Variants in THSD4 observed in about 807,000 individuals in gnomAD.
THSD4 encodes thrombospondin type 1 domain containing 4, also known as thrombospondin type-1 domain-containing protein 4.
In THSD4, 69 loss-of-function variants were observed where a neutral mutation model predicts 119.0. The ratio of observed to expected loss-of-function variants is 0.58; its 90% CI spans 0.48 to 0.71. The LOEUF (loss-of-function observed/expected upper bound fraction) is 0.71. Among genes scored for constraint, THSD4 ranks in the 30% least tolerant of loss-of-function variants. The pLI is 0.00. For missense variants in THSD4, 1,393 were observed against 1,391.1 expected (o/e 1.00, Z -0.02); for synonymous variants, 524 against 540.4 (o/e 0.97, Z 0.42).
At chr15:71,192,276 T>C (rs753534528) in intron 3 of THSD4, among the ~76,000 whole-genome samples, 1 of 151,786 alleles carries the variant, frequency 6.6e-6, no homozygotes, top group Non-Finnish European at 1.5e-5. Flanking sequence ...TTAAATTCCT[T>C]TGGTGGATTT....
At chr15:71,694,043 G>T (rs2052110949) in intron 8 of THSD4, among the ~76,000 whole-genome samples, 1 of 151,614 alleles carries the variant, frequency 6.6e-6, no homozygotes, top group African/African-American at 2.4e-5. Flanking sequence ...AAGAAAGAAA[G>T]AAAAGCCAGT....
At chr15:71,416,068 A>T (rs1403524100) in intron 7 of THSD4, among the ~76,000 whole-genome samples, 2 of 152,174 alleles carry the variant, frequency 1.3e-5, no homozygotes, top group African/African-American at 4.8e-5. Flanking sequence ...AAGTGCTGGG[A>T]TTACAGGTGT....
chr15:71,622,190 T>A (rs1252805407), intron 7 of THSD4, among the ~76,000 whole-genome samples: 1 of 152,242 alleles, frequency 6.6e-6, no homozygotes, highest in Non-Finnish European at 1.5e-5. Flanking sequence ...ACATGTGCCA[T>A]GAATTTGTTA....
chr15:71,569,182 G>A (rs554128119), intron 7 of THSD4, among the ~76,000 whole-genome samples: 13 of 152,264 alleles, frequency 8.5e-5, no homozygotes, highest in South Asian at 2.1e-4. Flanking sequence ...CTGAAGCAGC[G>A]GAGATTCTGC....
At chr15:71,710,313 G>A (rs955210315) in intron 8 of THSD4, among the ~76,000 whole-genome samples, 4 of 152,126 alleles carry the variant, frequency 2.6e-5, no homozygotes, top group African/African-American at 9.7e-5. Context: ...AAGGAACACA[G>A]TTTTAAAAAC....
intron 1 of THSD4, among the ~76,000 whole-genome samples, chr15:71,128,976 G>C (rs1031764614): frequency 6.6e-6 from 1 of 152,208 alleles, no homozygotes; most frequent in Admixed American, 6.5e-5. Context: ...TGAGGCTGGT[G>C]GAGGAGGCTG....
At chr15:71,102,305 AT>A (rs2040256842) in intron 1 of THSD4, among the ~76,000 whole-genome samples, 1 of 151,982 alleles carries the variant, frequency 6.6e-6, no homozygotes, top group Admixed American at 6.5e-5. Context: ...TTCTTAAAAT[AT>A]TTTTTTCCCA....
intron 4 of THSD4, among the ~76,000 whole-genome samples, chr15:71,236,790 A>G (rs1293880576): frequency 1.3e-5 from 2 of 152,212 alleles, no homozygotes; most frequent in African/African-American, 4.8e-5. Flanking sequence ...TGTGCAAACA[A>G]TAAGCATAAT....
intron 7 of THSD4, among the ~76,000 whole-genome samples, chr15:71,645,515 C>T (rs2140971111): frequency 6.6e-6 from 1 of 152,250 alleles, no homozygotes; most frequent in African/African-American, 2.4e-5. Flanking sequence ...GGGACATAGC[C>T]AAACCATATC....
At chr15:71,734,876 A>G (rs2053052443) in intron 10 of THSD4, among the ~76,000 whole-genome samples, 1 of 151,582 alleles carries the variant, frequency 6.6e-6, no homozygotes, top group South Asian at 2.1e-4. Context: ...TCCCAGAGGG[A>G]GTCTAACCCT....
rs544740103 is a variant in THSD4 at position 71,579,848 on chromosome 15, A to G, written c.1153-80682A>G. Among the ~76,000 whole-genome samples the G allele has an allele frequency of 5.3e-5, 8 of 152,290 alleles. No individual in the cohort carries two copies. The South Asian group carries it at 1.2e-3, about 24-fold the overall frequency. ...CCAACTCTATGTATATTAGTTTTCT[A>G]TCACTATATAACAAATTACCACAAA... On this transcript the variant is annotated intron_variant, in intron 7 of 17. Coordinates refer to ENST00000261862, the MANE Select transcript of THSD4 (RefSeq NM_024817.3).
intron 7 of THSD4, among the ~76,000 whole-genome samples, chr15:71,580,373 T>G (rs1170096239): frequency 6.6e-6 from 1 of 152,212 alleles, no homozygotes; most frequent in African/African-American, 2.4e-5. Flanking sequence ...AAATGATAAT[T>G]GTATATATTT....
chr15:71,396,571 G>A (rs565625666), intron 6 of THSD4, among the ~76,000 whole-genome samples: 12 of 152,236 alleles, frequency 7.9e-5, no homozygotes, highest in Admixed American at 6.5e-4. Context: ...TGGAGGATAC[G>A]TATCTATTCT....
chr15:71,463,789 C>G (rs144134379), intron 7 of THSD4, among the ~76,000 whole-genome samples: 66 of 152,322 alleles, frequency 4.3e-4, no homozygotes, highest in African/African-American at 1.6e-3. Context: ...CCTCAGCTGT[C>G]TCTCTAGCTA....
rs1195413080 is a variant in THSD4 at position 71,442,579 on chromosome 15, A to AAAATAT, written c.1152+30757_1152+30758insAATATA. Among the ~76,000 whole-genome samples the AAAATAT allele has an allele frequency of 1.3e-3, 50 of 39,860 alleles. 3 individuals carry two copies. The highest frequency in any genetic ancestry group is 0.014 in the Middle Eastern group (1 of 72). 26.1% of individuals were successfully genotyped at this position (39,860 alleles called of 152,430 possible). Reference sequence around the variant, plus strand: ...GCAAAACTCCATCTCAAAAAAAAAAAATATATATATATATATATATATGTG... The same window carrying AAAATAT: ...GCAAAACTCCATCTCAAAAAAAAAAAAAATATATATATATATATATATATATATGTG... On this transcript the variant is annotated intron_variant, in intron 7 of 17. Coordinates refer to ENST00000261862, the MANE Select transcript of THSD4 (RefSeq NM_024817.3).
chr15:71,268,420 C>T (rs1442871828), intron 6 of THSD4, among the ~76,000 whole-genome samples: 1 of 152,124 alleles, frequency 6.6e-6, no homozygotes, highest in African/African-American at 2.4e-5. Context: ...AGAACAAAGA[C>T]ATAACGTACC....
intron 7 of THSD4, among the ~76,000 whole-genome samples, chr15:71,520,849 C>G (rs1030541374): frequency 1.3e-5 from 2 of 152,166 alleles, no homozygotes; most frequent in Non-Finnish European, 2.9e-5. Flanking sequence ...AGGTTATAGC[C>G]TCACTCTGCT....
chr15:71,726,624 A>C (rs1312860853), intron 8 of THSD4, among the ~76,000 whole-genome samples: 1 of 152,198 alleles, frequency 6.6e-6, no homozygotes, highest in Non-Finnish European at 1.5e-5. Context: ...TCACAGGTCC[A>C]CTATGTACAT....
intron 7 of THSD4, among the ~76,000 whole-genome samples, chr15:71,581,941 G>C (rs1339033204): frequency 6.6e-6 from 1 of 152,116 alleles, no homozygotes; most frequent in Non-Finnish European, 1.5e-5. Context: ...AAACCAGAAA[G>C]TGTGATACTT....
Sources: gnomAD v4.1 joint callset for allele counts (sites outside exome capture counted in the v4.1 genomes callset) on GRCh38, gnomAD v4.1.1 for gene constraint, MANE v1.5 for transcripts, NCBI Gene and HGNC (gene_info 2026-07-23, HGNC 2026-07-21) for gene names.